EPHA6: variants seen among roughly 807,000 people sequenced by gnomAD.
EPHA6 encodes ephrin type-A receptor 6.
A neutral mutation model predicts 112.0 loss-of-function variants in EPHA6; 50 were observed. The ratio of observed to expected loss-of-function variants is 0.45; its 90% CI spans 0.36 to 0.56. EPHA6 has a LOEUF of 0.56. Among genes scored for constraint, EPHA6 ranks in the 20% least tolerant of loss-of-function variants. EPHA6 has a pLI of 0.00. For synonymous variants in EPHA6, 529 were observed against 490.7 expected, an observed-to-expected ratio of 1.08 and a Z score of -1.03; for missense variants, 1,280 against 1,417.4, an observed-to-expected ratio of 0.90 and a Z score of 1.56.
chr3:97,050,948 C>T (rs569329261), intron 3 of EPHA6, among the ~76,000 whole-genome samples: 14 of 152,168 alleles, frequency 9.2e-5, no homozygotes, highest in African/African-American at 3.4e-4. Flanking sequence ...ATACTAATAT[C>T]GAACTTGAAT....
intron 2 of EPHA6, among the ~76,000 whole-genome samples, chr3:96,947,029 TG>T (rs2041301222): frequency 6.7e-6 from 1 of 150,032 alleles, no homozygotes; most frequent in Admixed American, 6.6e-5. Flanking sequence ...GCTGTTTGTT[TG>T]TTTTTTTTTT....
intron 1 of EPHA6, among the ~76,000 whole-genome samples, chr3:96,857,563 G>A (rs1417579111): frequency 6.6e-6 from 1 of 152,084 alleles, no homozygotes; most frequent in Non-Finnish European, 1.5e-5. Flanking sequence ...GTAGGAATTT[G>A]TCCTACATAA....
chr3:97,706,351 A>C (rs1293840912), intron 14 of EPHA6, among the ~76,000 whole-genome samples: 3 of 152,236 alleles, frequency 2.0e-5, no homozygotes, highest in Non-Finnish European at 4.4e-5. Context: ...AAAGAAATCA[A>C]ACCAAATTTT....
At chr3:97,462,868 A>G (rs1211595606) in intron 7 of EPHA6, among the ~76,000 whole-genome samples, 2 of 152,078 alleles carry the variant, frequency 1.3e-5, no homozygotes, top group African/African-American at 2.4e-5. Flanking sequence ...ACACACCAAA[A>G]AGACTTGGGG....
intron 3 of EPHA6, among the ~76,000 whole-genome samples, chr3:97,216,418 C>T (rs1283034139): frequency 2.0e-5 from 3 of 152,200 alleles, no homozygotes; most frequent in Non-Finnish European, 2.9e-5. Context: ...TTGAGAATCA[C>T]ATTTCAACAT....
chr3:96,994,818 A>G, intron 3 of EPHA6, among the ~76,000 whole-genome samples: 1 of 149,582 alleles, frequency 6.7e-6, no homozygotes, highest in African/African-American at 2.5e-5. Flanking sequence ...ATATAGAGAG[A>G]GAGAGAGAGA....
intron 2 of EPHA6, among the ~76,000 whole-genome samples, chr3:96,880,035 G>A (rs1036600636): frequency 6.6e-6 from 1 of 151,852 alleles, no homozygotes; most frequent in African/African-American, 2.4e-5. Context: ...TACACTAAAA[G>A]CCCAGACTTC....
chr3:97,558,995 G>T (rs887604560), intron 11 of EPHA6, among the ~76,000 whole-genome samples: 1 of 151,988 alleles, frequency 6.6e-6, no homozygotes, highest in African/African-American at 2.4e-5. Context: ...CATGCATGCA[G>T]TTAAGAACAA....
intron 5 of EPHA6, among the ~76,000 whole-genome samples, chr3:97,357,645 A>AC (rs758245571): frequency 1.3e-5 from 2 of 151,714 alleles, no homozygotes; most frequent in Admixed American, 1.3e-4. Flanking sequence ...ATGGGCACTA[A>AC]CCCCCCATGC....
chr3:97,218,840 C>T (rs1403122509), intron 3 of EPHA6, among the ~76,000 whole-genome samples: 1 of 152,182 alleles, frequency 6.6e-6, no homozygotes, highest in Non-Finnish European at 1.5e-5. Context: ...CAAGTCCCTT[C>T]AACCTATGCA....
At chr3:97,251,506 C>A (rs1040128629) in intron 5 of EPHA6, among the ~76,000 whole-genome samples, 1 of 151,622 alleles carries the variant, frequency 6.6e-6, no homozygotes, top group Non-Finnish European at 1.5e-5. Context: ...CTCCAGCCGA[C>A]GACAGAGGGA....
chr3:97,509,077 G>A (rs755316121), intron 10 of EPHA6, among the ~76,000 whole-genome samples: 3 of 123,140 alleles, frequency 2.4e-5, no homozygotes, highest in Admixed American at 1.0e-4. Flanking sequence ...GCCTGTGTGT[G>A]TCTTTGCACA....
intron 14 of EPHA6, among the ~76,000 whole-genome samples, chr3:97,690,681 C>T (rs369470716): frequency 2.4e-4 from 37 of 152,042 alleles, no homozygotes; most frequent in African/African-American, 8.0e-4. Context: ...TTGACCAGGC[C>T]GGTCTCGAAC....
chr3:97,476,124 C>T (rs4857260), intron 8 of EPHA6, among the ~76,000 whole-genome samples: 39,914 of 151,884 alleles, frequency 0.26, 9,520 homozygotes, highest in African/African-American at 0.63. Context: ...ATAATACAGA[C>T]GTGAATGAAG....
chr3:97,305,352 C>T (rs1559866596), intron 5 of EPHA6, among the ~76,000 whole-genome samples: 1 of 151,986 alleles, frequency 6.6e-6, no homozygotes, highest in Non-Finnish European at 1.5e-5. Flanking sequence ...CTTGACCCAG[C>T]AATCCCATTA....
intron 2 of EPHA6, among the ~76,000 whole-genome samples, chr3:96,930,209 C>A (rs1187280198): frequency 6.6e-6 from 1 of 152,174 alleles, no homozygotes. Context: ...CTTCTGAAGG[C>A]TATTTCTGTC....
At chr3:97,288,001 G>A (rs928557014) in intron 5 of EPHA6, among the ~76,000 whole-genome samples, 1 of 151,774 alleles carries the variant, frequency 6.6e-6, no homozygotes, top group Non-Finnish European at 1.5e-5. Flanking sequence ...TCTTGTAAAT[G>A]TGGTAGAATA....
At chr3:97,363,171 A>T (rs1280216944) in intron 5 of EPHA6, among the ~76,000 whole-genome samples, 43 of 51,434 alleles carry the variant, frequency 8.4e-4, no homozygotes, top group African/African-American at 1.9e-3. Context: ...TTGCCCCTGC[A>T]ATATATATAT....
intron 3 of EPHA6, among the ~76,000 whole-genome samples, chr3:97,158,837 G>C (rs1214323791): frequency 6.6e-6 from 1 of 152,128 alleles, no homozygotes; most frequent in African/African-American, 2.4e-5. Context: ...CTAAAGATAA[G>C]CTATCAGTTT....
Sources: allele counts gnomAD v4.1 joint callset (sites outside exome capture counted in the v4.1 genomes callset), GRCh38; gene constraint gnomAD v4.1.1; transcripts MANE v1.5; gene names NCBI Gene and HGNC (gene_info 2026-07-23, HGNC 2026-07-21).